Variants in POLG observed in about 807,000 individuals in gnomAD.
POLG encodes the protein DNA polymerase subunit gamma-1.
POLG carries 110 observed loss-of-function variants against 155.4 expected under a neutral mutation model. The ratio of observed to expected loss-of-function variants is 0.71; its 90% confidence interval spans 0.61 to 0.83. POLG has a LOEUF of 0.83. Among genes scored for constraint, POLG ranks in the 40% least tolerant of loss-of-function variants. The pLI, the probability that POLG is intolerant of heterozygous loss-of-function variation, is 0.00. For synonymous variants in POLG, 701 were observed against 631.5 expected (o/e 1.11, Z -1.65); for missense variants, 1,685 against 1,627.5 (o/e 1.04, Z -0.61).
At chr15:89,319,514 A>C in intron 18 of POLG, 164 bp from the exon 19 acceptor site, 1 of 929,350 alleles carries the variant, frequency 1.1e-6, no homozygotes, top group South Asian at 1.5e-5. Context: ...AGAGAGGCTA[A>C]GTGCCTTGCC....
At chr15:89,317,715 A>G (rs1309579338) in intron 21 of POLG, 179 bp from the exon 22 acceptor site, 23 of 658,818 alleles carry the variant, frequency 3.5e-5, no homozygotes, top group Admixed American at 7.1e-5. Context: ...CCAGCAGCCT[A>G]ACCTCCCACT....
chr15:89,328,739 C>T lies in POLG; in HGVS notation c.1116G>A (p.Glu372=), dbSNP rs1462568057. The T allele has an allele frequency of 6.2e-7, 1 of 1,614,178 alleles. No individual in the cohort carries two copies. The highest frequency in any genetic ancestry group is 8.5e-7 in the Non-Finnish European group (1 of 1,180,036). ...TGCCCTTCACAAACAGTTCTCGAGG[C>T]TCCTTCTCTAAGGGAGGCCCCCCTA... ...LYVGGPPLEK[E]PRELFVKGTM... is the part of the protein sequence containing the mutation. The change falls in exon 5 of 23, where the codon GAG becomes GAA. Residue 372 remains glutamate, a synonymous_variant. Transcript: ENST00000268124.
chr15:89,317,988 T>C, intron 21 of POLG: 1 of 308,878 alleles, frequency 3.2e-6, no homozygotes, highest in Non-Finnish European at 6.3e-6. Context: ...GAGTGGCAGA[T>C]CAACATGGAA....
rs140262282 is a variant in POLG at position 89,329,071 on chromosome 15, T to G, written c.895A>C (p.Met299Leu). ...MRFLDTMSMH[M>L]AISGLSSFQR... The stretch of plus-strand genomic sequence containing the variant: ...AAGCTGCTTAGCCCTGAGATGGCCA[T>G]GTGCATGCTCATGGTGTCCAGGAAA... Residue 299 changes from methionine to leucine, a missense_variant, in exon 4 of 23, where the codon ATG (methionine) becomes CTG (leucine). This residue lies in a region of POLG where 1,210 missense variants were observed against 1,167.1 expected (regional missense o/e 1.04). Transcript: ENST00000268124. The G allele has an allele frequency of 3.1e-6, 5 of 1,612,958 alleles. No individual in the cohort carries two copies. The East Asian group carries it at 8.9e-5, about 29-fold the overall frequency.
rs752032542 is a variant in POLG, at chr15:89,330,319, A to C, written c.660-43T>G. The C allele has an allele frequency of 7.5e-6, 11 of 1,472,564 alleles. No individual in the cohort carries two copies. In the African/African-American group the frequency reaches 8.3e-5, roughly 11 times the overall value. The allele number at this position is 1,472,564 out of a possible 1,614,324, so 91.2% of individuals were successfully genotyped here. A position where few individuals can be genotyped will look rare whatever the true frequency, so the allele number is the denominator to read the frequency against. On this transcript the variant is annotated intron_variant, in intron 2 of 22. Coordinates refer to ENST00000268124, the MANE Select transcript of POLG (RefSeq NM_002693.3). ...CAGGCAGGTTCACCATGGAGACATT[A>C]AACTTCCACTCCACAACAACCACTG...
chr15:89,323,042 C>T (rs552736045), intron 13 of POLG, 140 bp from the exon 14 acceptor site: 9 of 673,058 alleles, frequency 1.3e-5, no homozygotes, highest in Admixed American at 2.7e-5. Flanking sequence ...GTATCACGCA[C>T]GCGCGCACGC....
chr15:89,332,712 A>C (rs1198220247), intron 2 of POLG, among the ~76,000 whole-genome samples: 1 of 152,124 alleles, frequency 6.6e-6, no homozygotes, highest in Non-Finnish European at 1.5e-5. Context: ...CTACCGCCCA[A>C]AATAATTAAT....
chr15:89,327,906 TTTC>T (rs1429620680), intron 6 of POLG, among the ~76,000 whole-genome samples: 5 of 152,204 alleles, frequency 3.3e-5, no homozygotes, highest in African/African-American at 9.7e-5. Context: ...TCCTCATGAT[TTTC>T]TTAATACATT....
intron 10 of POLG, 30 bp downstream of exon 10, chr15:89,325,420 G>GC (rs1464722943): frequency 6.7e-7 from 1 of 1,488,964 alleles, no homozygotes; most frequent in Non-Finnish European, 9.3e-7. Context: ...CTAGGCTCCA[G>GC]CCCCTTCCTC....
chr15:89,318,580 C>A lies in POLG; in HGVS notation c.3443G>T (p.Arg1148Leu), dbSNP rs145004638. Reference sequence around the variant, plus strand: ...GGTGATCTGCAAGGCCAGGGCAGCGCGGTAGCGGTCCTCCTCCCGCACCAG... The same window carrying A: ...GGTGATCTGCAAGGCCAGGGCAGCGAGGTAGCGGTCCTCCTCCCGCACCAG... Reference protein sequence around the residue: ...RYLVREEDRYRAALALQITNL... With the variant: ...RYLVREEDRYLAALALQITNL... The change falls in exon 21 of 23, where the codon CGC becomes CTC. Residue 1148 changes from arginine (R) to leucine (L), a missense_variant. By Grantham distance (102) the Arg-to-Leu change is moderately radical (BLOSUM62 -2). This residue lies in a region of POLG where 470 missense variants were observed against 439.9 expected (regional missense o/e 1.07). Transcript: ENST00000268124. The A allele has an allele frequency of 2.5e-6, 4 of 1,614,026 alleles. No individual in the cohort carries two copies. Among genetic ancestry groups the A allele is most frequent in the Non-Finnish European group, 3.4e-6 (4 of 1,180,032 alleles).
In POLG at chr15:89,333,373, G is replaced by A. The variant is rs1267954968; in HGVS notation, c.382C>T (p.Pro128Ser). The A allele has an allele frequency of 6.3e-7, 1 of 1,578,250 alleles. No individual in the cohort carries two copies. Among genetic ancestry groups the A allele is most frequent in the Non-Finnish European group, 8.6e-7 (1 of 1,165,192 alleles). ...VPLPDVELRLPPLYGDNLDQH... is the reference protein window; with the variant it reads ...VPLPDVELRLSPLYGDNLDQH... ...TCCAGGTTGTCCCCGTAGAGGGGCG[G>A]CAGGCGCAGCTCCACGTCGGGCAAG... The change falls in exon 2 of 23, where the codon CCG (proline) becomes TCG (serine). Residue 128 changes from proline (P) to serine (S), a missense_variant. Transcript: ENST00000268124.
chr15:89,324,720 T>A (rs914688999), intron 10 of POLG, among the ~76,000 whole-genome samples: 1 of 152,242 alleles, frequency 6.6e-6, no homozygotes, highest in African/African-American at 2.4e-5. Flanking sequence ...GGGTCTGTGA[T>A]CTTAAGTCAA....
chr15:89,325,115 T>TGAGTGAGTGA (rs2055471572), intron 10 of POLG, among the ~76,000 whole-genome samples: 1 of 29,260 alleles, frequency 3.4e-5, no homozygotes, highest in Non-Finnish European at 5.9e-5. Context: ...TGAGAGAGAG[T>TGAGTGAGTGA]GAGTGAGTGA....
intron 10 of POLG, 89 bp from the exon 11 acceptor site, chr15:89,324,316 T>A: frequency 6.9e-7 from 1 of 1,452,034 alleles, no homozygotes; most frequent in Non-Finnish European, 9.5e-7. Flanking sequence ...CACAATTCCC[T>A]TTGTTTAGTC....
At chr15:89,325,078 G>GAA (rs1239028370) in intron 10 of POLG, among the ~76,000 whole-genome samples, 3 of 100,446 alleles carry the variant, frequency 3.0e-5, no homozygotes, top group African/African-American at 1.0e-4. Flanking sequence ...GTGAGTGAGT[G>GAA]AGTGAGAGAG....
At chr15:89,325,113 AGTGAGTGAGTGAGTGAGAGAGT>A (rs2055471098) in intron 10 of POLG, among the ~76,000 whole-genome samples, 1 of 49,726 alleles carries the variant, frequency 2.0e-5, no homozygotes, top group African/African-American at 1.0e-4. Context: ...AGTGAGAGAG[AGTGAGTGAGTGAGTGAGAGAGT>A]GAGTGAGAGA....
In POLG at chr15:89,325,127, TGAGA is replaced by T. The variant is rs369647518; in HGVS notation, c.1949+319_1949+322del. 0.016 allele frequency among the ~76,000 whole-genome samples: 624 copies of T among 38,166 alleles called. 99 individuals carry two copies. The highest frequency in any genetic ancestry group is 0.051 in the East Asian group (58 of 1,148). The allele number at this position is 38,166 out of a possible 152,430, so 25.0% of individuals were successfully genotyped here. ...GAGTGAGAGAGAGTGAGTGAGTGAG[TGAGA>T]GAGTGAGTGAGAGAGTGAGTGAGTG... is the stretch of plus-strand genomic sequence containing the variant. On this transcript the variant is annotated intron_variant, in intron 10 of 22. Coordinates refer to ENST00000268124, the MANE Select transcript of POLG (RefSeq NM_002693.3).
chr15:89,327,251 C>A lies in POLG; in HGVS notation c.1349G>T (p.Gly450Val), dbSNP rs757804090. The change falls in exon 7 of 23, where the codon GGC becomes GTC. Residue 450 changes from glycine (G) to valine (V), a missense_variant. Transcript: ENST00000268124. ...CTCCCGCTGGAGCTCCTCATAAGTG[C>A]CCTGTGCCTCTGCCAGGTAACGCTC... Reference protein sequence around the residue: ...NWERYLAEAQGTYEELQREMK... With the variant: ...NWERYLAEAQVTYEELQREMK... The A allele has an allele frequency of 1.9e-6, 3 of 1,614,088 alleles. No homozygotes were observed. The highest frequency in any genetic ancestry group is 1.7e-5 in the Admixed American group (1 of 60,008).
rs3176190 is a variant in POLG at position 89,325,718 on chromosome 15, G to A, written c.1713-32C>T. On this transcript the variant is annotated intron_variant, in intron 9 of 22. Coordinates refer to ENST00000268124, the MANE Select transcript of POLG (RefSeq NM_002693.3). ...CCCAGCAGGAAGACAGCAGTGTCAC[G>A]ATGGTAAGGGCAGTTGTTGGGGGGA... 20,611 of 1,485,428 alleles carry A rather than the reference G, an allele frequency of 0.014. 1,993 individuals carry two copies. The African/African-American group carries it at 0.23, about 16-fold the overall frequency. The allele number at this position is 1,485,428 out of a possible 1,614,324, so 92.0% of individuals were successfully genotyped here.
Sources: allele counts gnomAD v4.1 joint callset (sites outside exome capture counted in the v4.1 genomes callset), GRCh38; gene constraint gnomAD v4.1.1; regional missense constraint gnomAD v4.1.1; transcripts MANE v1.5; gene names NCBI Gene and HGNC (gene_info 2026-07-23, HGNC 2026-07-21).